The following ATXN3 variants were observed in gnomAD, a reference collection of about 807,000 sequenced individuals.
ATXN3 encodes ataxin 3, also known as ataxin-3.
Under a neutral mutation model 58.2 loss-of-function variants are expected in ATXN3, and 28 were observed. The ratio of observed to expected loss-of-function variants is 0.48; its 90% CI spans 0.36 to 0.66. The LOEUF is 0.66. ATXN3 is among the 30% of genes least tolerant of loss of function. The probability of loss-of-function intolerance (pLI) is 0.00; values close to 1 mark genes in which losing one functional copy is unlikely to be tolerated. For synonymous variants in ATXN3, 113 were observed against 138.5 expected, an observed-to-expected ratio of 0.82 and a Z score of 1.29; for missense variants, 321 against 422.1, an observed-to-expected ratio of 0.76 and a Z score of 2.10.
In ATXN3 at chr14:92,082,406, G is replaced by C; in HGVS notation, c.669C>G (p.Asp223Glu). Residue 223 changes from aspartate to glutamate, a missense_variant, in exon 8 of 11, where the codon GAC becomes GAG. Transcript: ENST00000644486. ...CCCTCTGCAAATCCTCCTCATCTTC[G>C]TCTAACATTCCTGAGCCATCATTTG... ...LEANDGSGMLDEDEEDLQRAL... is the reference protein window; with the variant it reads ...LEANDGSGMLEEDEEDLQRAL... 1 of 1,613,966 alleles carries C rather than the reference G, an allele frequency of 6.2e-7. No homozygotes were observed. The highest frequency in any genetic ancestry group is 8.5e-7 in the Non-Finnish European group (1 of 1,179,982).
chr14:92,048,584 G>T (rs1265844080), intron 1 of ATXN3, among the ~76,000 whole-genome samples: 1 of 152,194 alleles, frequency 6.6e-6, no homozygotes, highest in African/African-American at 2.4e-5. Flanking sequence ...TGATTTGGGA[G>T]AGGTCAGATA....
intron 3 of ATXN3, 75 bp from the exon 4 acceptor site, chr14:92,093,906 T>C (rs1595904892): frequency 3.4e-6 from 3 of 880,298 alleles, no homozygotes; most frequent in Non-Finnish European, 5.6e-6. Flanking sequence ...CTATGTTAGT[T>C]GTGTACTTCA....
chr14:92,073,682 CA>C (rs1212392599), intron 9 of ATXN3: 3 of 151,714 alleles, frequency 2.0e-5, no homozygotes, highest in South Asian at 2.1e-4. Flanking sequence ...ATTAAAAATA[CA>C]AAAAAATTAG....
chr14:92,093,196 G>C lies in ATXN3; in HGVS notation c.387+56C>G, dbSNP rs1467954717. 15 of 1,242,204 alleles carry C rather than the reference G, an allele frequency of 1.2e-5. No homozygotes were observed. The East Asian group carries it at 3.5e-4, about 29-fold the overall frequency. The allele number at this position is 1,242,204 out of a possible 1,614,324, so 76.9% of individuals were successfully genotyped here. A position where few individuals can be genotyped will look rare whatever the true frequency, so the allele number is the denominator to read the frequency against. On this transcript the variant is annotated intron_variant, in intron 5 of 10. Transcript: ENST00000644486. ...GCCACCACACCTGGCCCACATTTTA[G>C]TTTTAAATGGGGTACAATATAAGAA...
chr14:92,086,771 A>C (rs945625238), intron 6 of ATXN3, among the ~76,000 whole-genome samples: 1 of 151,776 alleles, frequency 6.6e-6, no homozygotes, highest in African/African-American at 2.4e-5. Context: ...TTTATTTTTA[A>C]TCAATGGAAA....
chr14:92,093,639 A>C (rs1421392483), intron 4 of ATXN3, 107 bp downstream of exon 4: 1 of 866,296 alleles, frequency 1.2e-6, no homozygotes, highest in Admixed American at 2.5e-5. Flanking sequence ...GAAACAGGGA[A>C]CATCAAAACA....
rs1214913150 is a variant in ATXN3 at position 92,064,269 on chromosome 14, A to T, written c.*51T>A. On this transcript the variant is annotated 3_prime_UTR_variant, in exon 11 of 11. Transcript: ENST00000644486. Reference sequence around the variant, plus strand: ...CCAAAGTGGACCCTATGCTGTAATCACACAGGATAATGTTGGAAAGTATGA... The same window carrying T: ...CCAAAGTGGACCCTATGCTGTAATCTCACAGGATAATGTTGGAAAGTATGA... 3 of 1,338,532 alleles carry T rather than the reference A, an allele frequency of 2.2e-6. No homozygotes were observed. In the African/African-American group the frequency reaches 4.4e-5, roughly 20 times the overall value. 82.9% of individuals were successfully genotyped at this position (1,338,532 alleles called of 1,614,324 possible).
chr14:92,066,598 CTT>C (rs2058450142), intron 10 of ATXN3, among the ~76,000 whole-genome samples: 1 of 105,014 alleles, frequency 9.5e-6, no homozygotes, highest in Non-Finnish European at 2.0e-5. Flanking sequence ...GAGTTTTTTT[CTT>C]GTTTTTTTTT....
chr14:92,083,026 C>T (rs1053523665), intron 7 of ATXN3, 100 bp downstream of exon 7: 12 of 1,391,482 alleles, frequency 8.6e-6, no homozygotes, highest in Middle Eastern at 1.9e-4. Context: ...AAAATAGAGT[C>T]GCCAACAACA....
In ATXN3 at chr14:92,083,172, G is replaced by C. The variant is rs759055604; in HGVS notation, c.562C>G (p.Arg188Gly). ...LQMIRVQQMHRPKLIGEELAQ... is the reference protein window; with the variant it reads ...LQMIRVQQMHGPKLIGEELAQ... ...AATTCTTCTCCAATAAGTTTTGGTC[G>C]ATGCATCTGTTGGACCCTAATCATC... Residue 188 changes from arginine (R) to glycine (G), a missense_variant, in exon 7 of 11, where the codon CGA becomes GGA. By Grantham distance (125) the Arg-to-Gly change is moderately radical. Transcript: ENST00000644486. 1 of 1,613,446 alleles carries C rather than the reference G, an allele frequency of 6.2e-7. No homozygotes were observed. The highest frequency in any genetic ancestry group is 8.5e-7 in the Non-Finnish European group (1 of 1,179,864).
intron 10 of ATXN3, among the ~76,000 whole-genome samples, chr14:92,066,601 G>GTTTT (rs66941473): frequency 1.1e-4 from 12 of 107,022 alleles, no homozygotes; most frequent in East Asian, 2.7e-4. Context: ...TTTTTTTCTT[G>GTTTT]TTTTTTTTTT....
chr14:92,064,444 A>G, intron 10 of ATXN3, 30 bp from the exon 11 acceptor site: 1 of 1,510,366 alleles, frequency 6.6e-7, no homozygotes, highest in Non-Finnish European at 9.1e-7. Flanking sequence ...CATTTCTTTA[A>G]AATTTCCAGA....
In ATXN3 at chr14:92,088,792, G is replaced by A. The variant is rs754007849; in HGVS notation, c.413C>T (p.Thr138Met). 2.2e-5 allele frequency: 36 copies of A among 1,611,172 alleles called. No homozygotes were observed. The highest frequency in any genetic ancestry group is 2.7e-5 in the Non-Finnish European group (32 of 1,177,962). ...KQWFNLNSLL[T>M]GPELISDTYL... ...TGTATCTGATATTAATTCTGGACCC[G>A]TCAAGAGAGAATTCAAGTTAAACCA... is the stretch of plus-strand genomic sequence containing the variant. The change falls in exon 6 of 11, where the codon ACG (threonine) becomes ATG (methionine). Residue 138 changes from threonine (T) to methionine (M), a missense_variant. Thr to Met is a moderately conservative substitution (Grantham distance 81). Around this residue, in one of 2 missense-constraint regions of ATXN3, gnomAD observed 121 missense variants for 198.9 expected, o/e 0.61. Transcript: ENST00000644486.
At chr14:92,072,658 A>T (rs2059631138) in intron 9 of ATXN3, among the ~76,000 whole-genome samples, 2 of 150,920 alleles carry the variant, frequency 1.3e-5, no homozygotes, top group Admixed American at 1.3e-4. Flanking sequence ...ACCAAAACTT[A>T]CAAACAGCTG....
chr14:92,080,781 C>A (rs1423551701), intron 9 of ATXN3, 184 bp downstream of exon 9: 1 of 586,090 alleles, frequency 1.7e-6, no homozygotes, highest in African/African-American at 1.8e-5. Flanking sequence ...GGCAATCTGC[C>A]CGCCTTGGCC....
At position 92,059,749 on chromosome 14, in the gene ATXN3, T is replaced by G. The variant is rs1595437287; in HGVS notation, c.*4571A>C. 1 of 134,866 alleles carries G rather than the reference T, an allele frequency of 7.4e-6. No individual in the cohort carries two copies. Among genetic ancestry groups the G allele is most frequent in the Non-Finnish European group, 1.6e-5 (1 of 63,372 alleles). The allele number at this position is 134,866 out of a possible 1,614,324, so 8.4% of individuals were successfully genotyped here. A position where few individuals can be genotyped will look rare whatever the true frequency, so the allele number is the denominator to read the frequency against. On this transcript the variant is annotated 3_prime_UTR_variant, in exon 11 of 11. Transcript: ENST00000644486. ...AGGAGAATCGCTTGAACCCAGGAGG[T>G]GGAGGTTGCAGTGAGCCAACATCGT... is the stretch of plus-strand genomic sequence containing the variant.
intron 3 of ATXN3, among the ~76,000 whole-genome samples, chr14:92,095,757 C>T (rs529290085): frequency 4.0e-5 from 6 of 151,238 alleles, no homozygotes; most frequent in African/African-American, 1.2e-4. Flanking sequence ...CTGGCCAACA[C>T]GGTGAAACCC....
At chr14:92,079,913 T>C (rs910984830) in intron 9 of ATXN3, among the ~76,000 whole-genome samples, 1 of 152,072 alleles carries the variant, frequency 6.6e-6, no homozygotes, top group Admixed American at 6.6e-5. Context: ...AATTTTTGTA[T>C]TTTTAGTAGA....
chr14:92,082,146 T>C (rs1031834996), intron 8 of ATXN3, among the ~76,000 whole-genome samples, 154 bp downstream of exon 8: 1 of 152,234 alleles, frequency 6.6e-6, no homozygotes, highest in Non-Finnish European at 1.5e-5. Flanking sequence ...TGATTTCCAT[T>C]ATAAGAAATC....
Sources: gnomAD v4.1 joint callset for allele counts (sites outside exome capture counted in the v4.1 genomes callset) on GRCh38, gnomAD v4.1.1 for gene constraint, gnomAD v4.1.1 regional missense constraint, MANE v1.5 for transcripts, NCBI Gene and HGNC (gene_info 2026-07-23, HGNC 2026-07-21) for gene names.